The following PRDM11 variants were observed in gnomAD, a reference collection of about 807,000 sequenced individuals.
PRDM11 encodes PR domain-containing protein 11.
PRDM11 carries 20 observed loss-of-function variants against 97.8 expected under a neutral mutation model. That is an observed-to-expected ratio of 0.20 (90% CI 0.14 to 0.30). The LOEUF is 0.30. Among genes scored for constraint, PRDM11 ranks in the 10% least tolerant of loss-of-function variants. PRDM11 has a pLI of 1.00. For synonymous variants in PRDM11, 599 were observed against 637.7 expected (o/e 0.94, Z 0.91); for missense variants, 1,139 against 1,555.2 (o/e 0.73, Z 4.50).
At chr11:45,101,228 C>T (rs1421544055) in intron 1 of PRDM11, among the ~76,000 whole-genome samples, 1 of 152,084 alleles carries the variant, frequency 6.6e-6, no homozygotes, top group Non-Finnish European at 1.5e-5. Flanking sequence ...AGAGACTTGC[C>T]CAGTCCTCAG....
chr11:45,137,971 A>G (rs1006591643), intron 1 of PRDM11, among the ~76,000 whole-genome samples: 2 of 152,186 alleles, frequency 1.3e-5, no homozygotes, highest in African/African-American at 4.8e-5. Flanking sequence ...CGTACGTGAG[A>G]AAGTGGAGGG....
At chr11:45,105,127 A>C (rs1852039414) in intron 1 of PRDM11, among the ~76,000 whole-genome samples, 1 of 152,242 alleles carries the variant, frequency 6.6e-6, no homozygotes, top group African/African-American at 2.4e-5. Context: ...TCATGTACAG[A>C]TGGCACTTCT....
At chr11:45,211,534 G>GTGTGGTCAGATGCTCC (rs140843608) in intron 5 of PRDM11, among the ~76,000 whole-genome samples, 1 of 151,862 alleles carries the variant, frequency 6.6e-6, no homozygotes, top group Non-Finnish European at 1.5e-5. Flanking sequence ...GATGGCCCCT[G>GTGTGGTCAGATGCTCC]TGGATGGGAG....
chr11:45,179,389 CTAT>C (rs1312617009), intron 1 of PRDM11, among the ~76,000 whole-genome samples: 1 of 152,162 alleles, frequency 6.6e-6, no homozygotes, highest in Non-Finnish European at 1.5e-5. Flanking sequence ...GTGATAGAAT[CTAT>C]TATTAGCCAC....
chr11:45,166,525 CCCAGGGACA>C (rs1852069863), intron 1 of PRDM11, among the ~76,000 whole-genome samples: 1 of 152,196 alleles, frequency 6.6e-6, no homozygotes, highest in Non-Finnish European at 1.5e-5. Flanking sequence ...ATGGGGGCTC[CCCAGGGACA>C]CCAGGGGGCC....
chr11:45,098,505 T>C (rs1341873537), intron 1 of PRDM11, among the ~76,000 whole-genome samples: 2 of 152,160 alleles, frequency 1.3e-5, no homozygotes, highest in African/African-American at 2.4e-5. Flanking sequence ...TTGCTACTAA[T>C]GCTAGTTCCA....
rs1227614482 is a variant in PRDM11, at chr11:45,182,999, A to G, written c.362A>G (p.Lys121Arg). The G allele has an allele frequency of 1.4e-5, 23 of 1,614,018 alleles. No individual in the cohort carries two copies. Among genetic ancestry groups the G allele is most frequent in the Non-Finnish European group, 1.9e-5 (23 of 1,180,032 alleles). The part of the protein sequence containing the change: ...LTIPQGMEVV[K>R]DTSGESDVRC... ...ATCCCACAGGGCATGGAGGTGGTCA[A>G]GGACACTAGTGGAGAGAGTGACGTG... The change falls in exon 4 of 8, where the codon AAG becomes AGG. Residue 121 changes from lysine (K) to arginine (R), a missense_variant. Lys to Arg is a conservative substitution (Grantham distance 26, BLOSUM62 2). Coordinates refer to ENST00000683152, the MANE Select transcript of PRDM11 (RefSeq NM_001384648.1).
chr11:45,146,511 C>G (rs1163983120), upstream of PRDM11, among the ~76,000 whole-genome samples: 1 of 152,076 alleles, frequency 6.6e-6, no homozygotes, highest in African/African-American at 2.4e-5. Flanking sequence ...CCGGGCAGGG[C>G]GCGGGCCTAA....
chr11:45,137,016 A>G (rs1374862350), intron 1 of PRDM11, among the ~76,000 whole-genome samples: 1 of 150,340 alleles, frequency 6.7e-6, no homozygotes, highest in East Asian at 1.9e-4. Flanking sequence ...AAAAAAAATT[A>G]GCTGGGTGTG....
intron 1 of PRDM11, among the ~76,000 whole-genome samples, chr11:45,159,109 C>T (rs1176861661): frequency 1.3e-5 from 2 of 152,244 alleles, no homozygotes; most frequent in African/African-American, 2.4e-5. Flanking sequence ...AACCAGACTC[C>T]TCCCTGGCAC....
chr11:45,168,155 G>A (rs1458345817), intron 1 of PRDM11, among the ~76,000 whole-genome samples: 1 of 152,158 alleles, frequency 6.6e-6, no homozygotes, highest in African/African-American at 2.4e-5. Flanking sequence ...GAGAATAGCA[G>A]GGCAGGATGG....
intron 1 of PRDM11, among the ~76,000 whole-genome samples, chr11:45,102,741 C>G (rs938748050): frequency 1.3e-5 from 2 of 152,230 alleles, no homozygotes; most frequent in Non-Finnish European, 2.9e-5. Flanking sequence ...CTGGTGGATG[C>G]TGGAAACGCC....
chr11:45,191,661 C>A (rs185982265), intron 4 of PRDM11, among the ~76,000 whole-genome samples: 3 of 152,080 alleles, frequency 2.0e-5, no homozygotes. Flanking sequence ...TTTTTCCTTA[C>A]TTTCTGGCAC....
chr11:45,213,397 G>GGCT (rs1284993199), intron 5 of PRDM11: 2 of 446,020 alleles, frequency 4.5e-6, no homozygotes, highest in Non-Finnish European at 9.1e-6. Flanking sequence ...CCAACCTTGG[G>GGCT]GCTGCTGCAT....
At chr11:45,124,505 G>A (rs1163174657) in intron 1 of PRDM11, among the ~76,000 whole-genome samples, 2 of 152,134 alleles carry the variant, frequency 1.3e-5, no homozygotes, top group Non-Finnish European at 2.9e-5. Context: ...TCATTATTTT[G>A]AGATACGTCC....
At chr11:45,106,660 G>A (rs376683470) in intron 1 of PRDM11, among the ~76,000 whole-genome samples, 7 of 152,186 alleles carry the variant, frequency 4.6e-5, no homozygotes, top group Non-Finnish European at 8.8e-5. Flanking sequence ...GCATCCTCAC[G>A]TGCAGGTCTG....
At chr11:45,126,372 T>C (rs1042207582) in intron 1 of PRDM11, among the ~76,000 whole-genome samples, 2 of 152,160 alleles carry the variant, frequency 1.3e-5, no homozygotes, top group Non-Finnish European at 2.9e-5. Flanking sequence ...AATTTGATCC[T>C]GTCATTATGA....
intron 1 of PRDM11, among the ~76,000 whole-genome samples, chr11:45,164,769 AGAGAGACCCCT>A (rs1159913792): frequency 1.3e-5 from 2 of 152,214 alleles, no homozygotes. Flanking sequence ...ACGGCTTGGC[AGAGAGACCCCT>A]GAGATCTGCT....
chr11:45,113,611 T>C (rs1354241604), intron 1 of PRDM11, among the ~76,000 whole-genome samples: 1 of 152,190 alleles, frequency 6.6e-6, no homozygotes, highest in East Asian at 1.9e-4. Context: ...GTTTGTGTTA[T>C]CTATGATTTC....
Sources: gnomAD v4.1 joint callset for allele counts (sites outside exome capture counted in the v4.1 genomes callset) on GRCh38, gnomAD v4.1.1 for gene constraint, MANE v1.5 for transcripts, NCBI Gene and HGNC (gene_info 2026-07-23, HGNC 2026-07-21) for gene names.